Variants in ADAMTS10 observed in about 807,000 individuals in gnomAD.
The protein encoded by ADAMTS10 is ADAM metallopeptidase with thrombospondin type 1 motif 10.
A neutral mutation model predicts 135.9 loss-of-function variants in ADAMTS10; 48 were observed. The observed-to-expected ratio is 0.35, with a 90% confidence interval of 0.28 to 0.45. The LOEUF is 0.45. Among genes scored for constraint, ADAMTS10 ranks in the 20% least tolerant of loss-of-function variants. The pLI is 1.00. For synonymous variants in ADAMTS10, 621 were observed against 647.5 expected (o/e 0.96, Z 0.62); for missense variants, 1,131 against 1,565.2 (o/e 0.72, Z 4.68).
At chr19:8,598,941 T>C (rs138173752) in intron 6 of ADAMTS10, among the ~76,000 whole-genome samples, 15 of 152,132 alleles carry the variant, frequency 9.9e-5, no homozygotes, top group Admixed American at 5.2e-4. Context: ...CTGAGGGCCA[T>C]CAGAGACGAC....
At position 8,596,839 on chromosome 19, in the gene ADAMTS10, C is replaced by A. The variant is rs1458194734; in HGVS notation, c.1040+148G>T. 7.6e-7 allele frequency: 1 copy of A among 1,310,382 alleles called. No individual in the cohort carries two copies. Among genetic ancestry groups the A allele is most frequent in the Non-Finnish European group, 1.1e-6 (1 of 939,568 alleles). The allele number at this position is 1,310,382 out of a possible 1,614,324, so 81.2% of individuals were successfully genotyped here. A position where few individuals can be genotyped will look rare whatever the true frequency, so the allele number is the denominator to read the frequency against. ...TCCCTTACCCATTATTCTCAAGCAG[C>A]CCCTCCCCATCCCTGGCTCCCTCAT... is the stretch of plus-strand genomic sequence containing the variant. On this transcript the variant is annotated intron_variant, in intron 8 of 25. Transcript: ENST00000597188. This position sits in a 1 kb window ranked among gnomAD's most constrained non-coding sequence, Gnocchi z 7.2.
In ADAMTS10 at chr19:8,605,296, C is replaced by G. The variant is rs572299536; in HGVS notation, c.151G>C (p.Gly51Arg). The change falls in exon 4 of 26, where the codon GGG becomes CGG. Residue 51 changes from glycine to arginine, a missense_variant. By Grantham distance (125) the Gly-to-Arg change is moderately radical. This residue lies in a region of ADAMTS10 where 306 missense variants were observed against 344.4 expected (regional missense o/e 0.89). Coordinates refer to ENST00000597188, the MANE Select transcript of ADAMTS10 (RefSeq NM_030957.4). The surrounding 1 kb of genome is among the most constrained non-coding windows in gnomAD (Gnocchi z 7.7). ...IAFPTRVDHN[G>R]ALLAFSPPPP... ...GGTGGCGAGAAGGCCAGCAGTGCCC[C>G]GTTGTGGTCCACGCGGGTGGGGAAG... 1.2e-6 allele frequency: 2 copies of G among 1,612,138 alleles called. No individual in the cohort carries two copies. The highest frequency in any genetic ancestry group is 1.7e-5 in the Admixed American group (1 of 59,744).
rs1555742445 is a variant in ADAMTS10, at chr19:8,605,617, C to T, written c.88+6G>A. The T allele has an allele frequency of 5.0e-6, 8 of 1,613,376 alleles. No individual in the cohort carries two copies. In the Admixed American group the frequency reaches 1.2e-4, roughly 24 times the overall value. On this transcript the variant is annotated splice_donor_region_variant and intron_variant, in intron 3 of 25. Transcript: ENST00000597188. This position sits in a 1 kb window ranked among gnomAD's most constrained non-coding sequence, Gnocchi z 7.7. ...CTCCCCACCGCCACCACCAGACTTC[C>T]CCTACCTTGAGACCGGAAGGCGTGC...
In ADAMTS10 at chr19:8,607,375, G is replaced by A. The variant is rs114237988; in HGVS notation, c.-100+759C>T. ...TCCTCCACCCTGTGTTTCTGACCCC[G>A]TCCTCCATTCAGATTCTTTCAAGGC... On this transcript the variant is annotated intron_variant, in intron 2 of 25. Transcript: ENST00000597188. 4.0e-3 allele frequency among the ~76,000 whole-genome samples: 606 copies of A among 152,060 alleles called. 2 individuals are homozygous for A. The highest frequency in any genetic ancestry group is 0.014 in the African/African-American group (571 of 41,474).
intron 15 of ADAMTS10, among the ~76,000 whole-genome samples, chr19:8,590,313 C>T (rs1257094539): frequency 6.6e-6 from 1 of 152,084 alleles, no homozygotes; most frequent in Non-Finnish European, 1.5e-5. Flanking sequence ...CTCACTCTGT[C>T]GCCCAGGCTG....
intron 25 of ADAMTS10, chr19:8,581,444 C>T (rs2042349285): frequency 6.5e-6 from 1 of 153,612 alleles, no homozygotes; most frequent in African/African-American, 2.4e-5. Context: ...AATCCCAGCA[C>T]TTTGGGAGAC....
chr19:8,607,058 G>A (rs1156809125), intron 2 of ADAMTS10, among the ~76,000 whole-genome samples: 7 of 152,122 alleles, frequency 4.6e-5, no homozygotes, highest in Non-Finnish European at 2.9e-5. Flanking sequence ...CAGACAGGGT[G>A]GGTGCAGGAG....
chr19:8,592,631 G>A, intron 13 of ADAMTS10, 132 bp downstream of exon 13: 3 of 928,062 alleles, frequency 3.2e-6, no homozygotes, highest in Non-Finnish European at 5.0e-6. Flanking sequence ...ACAGCCGAGG[G>A]AGCACAAATG....
chr19:8,590,295 G>A (rs2042505633), intron 15 of ADAMTS10, among the ~76,000 whole-genome samples: 1 of 151,896 alleles, frequency 6.6e-6, no homozygotes, highest in South Asian at 2.1e-4. Context: ...TCTTTTTTGA[G>A]ACAGAATCTC....
Position 8,600,937 on chromosome 19 carries a change from G to A in ADAMTS10, c.801C>T (p.Ile267=). 1 of 1,614,134 alleles carries A rather than the reference G, an allele frequency of 6.2e-7. No individual in the cohort carries two copies. Among genetic ancestry groups the A allele is most frequent in the African/African-American group, 1.3e-5 (1 of 75,056 alleles). Residue 267 remains isoleucine (I), a synonymous_variant, in exon 6 of 26, where the codon ATC becomes ATT. Coordinates refer to ENST00000597188, the MANE Select transcript of ADAMTS10 (RefSeq NM_030957.4). ...RRDVEQYVLA[I]MNIVAKLFQD... Reference sequence around the variant, plus strand: ...AGGGGAAGGCACTTACAATGTTCATGATGGCCAGGACATACTGCTCCACAT... The same window carrying A: ...AGGGGAAGGCACTTACAATGTTCATAATGGCCAGGACATACTGCTCCACAT...
chr19:8,585,331 G>A, intron 23 of ADAMTS10, 23 bp from the exon 24 acceptor site: 3 of 1,532,580 alleles, frequency 2.0e-6, no homozygotes, highest in East Asian at 2.4e-5. Context: ...GGGGCGTTTC[G>A]TGCTCAGGGT....
chr19:8,593,932 C>T (rs1210971025), intron 12 of ADAMTS10, among the ~76,000 whole-genome samples: 2 of 152,194 alleles, frequency 1.3e-5, no homozygotes, highest in African/African-American at 4.8e-5. Flanking sequence ...AGGTCAGCCC[C>T]TGAGAGATAC....
At chr19:8,592,305 C>T (rs2042545181) in intron 13 of ADAMTS10, 1 of 1,064,674 alleles carries the variant, frequency 9.4e-7, no homozygotes, top group Non-Finnish European at 1.3e-6. Flanking sequence ...GAGGCGTGGC[C>T]TGAGCACAGG....
rs545943735 is a variant in ADAMTS10, at chr19:8,592,021, C to T, written c.1670G>A (p.Gly557Asp). The T allele has an allele frequency of 1.9e-6, 3 of 1,613,648 alleles. No individual in the cohort carries two copies. The Admixed American group carries it at 5.0e-5, about 27-fold the overall frequency. The change falls in exon 14 of 26, where the codon GGC (glycine) becomes GAC (aspartate). Residue 557 changes from glycine (G) to aspartate (D), a missense_variant. Transcript: ENST00000597188. ...GCCGCCACAGGTCCGGCTGCAGTCG[C>T]CCCATGGAGTCCACGGCCCCCAGGC... The part of the protein sequence containing the change: ...DGAWGPWTPW[G>D]DCSRTCGGGV...
chr19:8,608,992 C>T (rs1248141443), intron 1 of ADAMTS10, among the ~76,000 whole-genome samples: 1 of 149,430 alleles, frequency 6.7e-6, no homozygotes, highest in Non-Finnish European at 1.5e-5. Flanking sequence ...GTGACACAGC[C>T]CAGGGCACCA....
chr19:8,593,619 C>T (rs1474248570), intron 12 of ADAMTS10: 3 of 152,372 alleles, frequency 2.0e-5, no homozygotes, highest in Non-Finnish European at 4.4e-5. Flanking sequence ...CAGGGACTCA[C>T]TCTGACTCTT....
intron 5 of ADAMTS10, among the ~76,000 whole-genome samples, chr19:8,603,141 G>T (rs1702577220): frequency 6.6e-6 from 1 of 152,162 alleles, no homozygotes; most frequent in Admixed American, 6.6e-5. Flanking sequence ...GAGAAGGAAT[G>T]GTTTTATACC....
chr19:8,588,269 A>G (rs2042466998), intron 18 of ADAMTS10, among the ~76,000 whole-genome samples: 1 of 151,038 alleles, frequency 6.6e-6, no homozygotes, highest in South Asian at 2.1e-4. Flanking sequence ...TTTTTTTTGT[A>G]GAGTTGGGGT....
chr19:8,606,255 G>T (rs1253962337), intron 2 of ADAMTS10, among the ~76,000 whole-genome samples: 1 of 152,106 alleles, frequency 6.6e-6, no homozygotes, highest in Non-Finnish European at 1.5e-5. Flanking sequence ...AGAGACGGGG[G>T]TCTCACTTTG....
Sources: allele counts gnomAD v4.1 joint callset (sites outside exome capture counted in the v4.1 genomes callset), GRCh38; gene constraint gnomAD v4.1.1; regional missense constraint gnomAD v4.1.1; non-coding constraint Gnocchi (gnomAD v3.1); transcripts MANE v1.5; gene names NCBI Gene and HGNC (gene_info 2026-07-23, HGNC 2026-07-21).